EGFLAM: variants seen among roughly 807,000 people sequenced by gnomAD.
The protein encoded by EGFLAM is pikachurin.
Under a neutral mutation model 113.1 loss-of-function variants are expected in EGFLAM, and 79 were observed. The observed-to-expected ratio is 0.70, with a 90% CI of 0.58 to 0.84. The LOEUF is 0.84. EGFLAM is among the 40% of genes least tolerant of loss of function. The pLI, the probability that EGFLAM is intolerant of heterozygous loss-of-function variation, is 0.00. For synonymous variants in EGFLAM, 504 were observed against 487.6 expected (o/e 1.03, Z -0.44); for missense variants, 1,265 against 1,291.6 (o/e 0.98, Z 0.32).
chr5:38,356,049 T>G (rs1471160644), intron 5 of EGFLAM, among the ~76,000 whole-genome samples: 1 of 152,230 alleles, frequency 6.6e-6, no homozygotes, highest in Non-Finnish European at 1.5e-5. Context: ...CATGAGCCAC[T>G]GCGCCTGGCT....
At chr5:38,330,043 A>C (rs1311246973) in intron 1 of EGFLAM, among the ~76,000 whole-genome samples, 1 of 152,194 alleles carries the variant, frequency 6.6e-6, no homozygotes, top group Non-Finnish European at 1.5e-5. Context: ...AGGGGATAGC[A>C]CATTACAATT....
chr5:38,307,983 T>A (rs900688716), intron 1 of EGFLAM, among the ~76,000 whole-genome samples: 3 of 152,220 alleles, frequency 2.0e-5, no homozygotes, highest in Non-Finnish European at 4.4e-5. Context: ...TGTTTCAGTT[T>A]GTTTCCTTTC....
chr5:38,288,777 G>A (rs996480818), intron 1 of EGFLAM, among the ~76,000 whole-genome samples: 12 of 152,164 alleles, frequency 7.9e-5, no homozygotes, highest in African/African-American at 2.7e-4. Context: ...CAGTTGTCTA[G>A]ACAATATTAA....
intron 1 of EGFLAM, among the ~76,000 whole-genome samples, chr5:38,312,423 A>T (rs1385049208): frequency 6.6e-6 from 1 of 151,642 alleles, no homozygotes; most frequent in African/African-American, 2.4e-5. Context: ...TTGTATTTTT[A>T]GAGAGACGGG....
At chr5:38,418,353 G>A in intron 12 of EGFLAM, 98 bp downstream of exon 12, 1 of 1,418,700 alleles carries the variant, frequency 7.0e-7, no homozygotes, top group Admixed American at 2.3e-5. Flanking sequence ...GCAACATTAG[G>A]TGCTACCCTG....
In EGFLAM at chr5:38,410,113, C is replaced by T. The variant is rs534164004; in HGVS notation, c.1349+1009C>T. ...TAATTCATAAAAGCGCTTAGAGCAG[C>T]GTCTGACCCAGAGCAAGTACTCAAT... is the stretch of plus-strand genomic sequence containing the variant. On this transcript the variant is annotated intron_variant, in intron 10 of 21. Coordinates refer to ENST00000322350, the MANE Select transcript of EGFLAM (RefSeq NM_152403.4). Among the ~76,000 whole-genome samples the T allele has an allele frequency of 2.0e-5, 3 of 152,308 alleles. No homozygotes were observed. The South Asian group carries it at 6.2e-4, about 32-fold the overall frequency.
At chr5:38,317,386 C>T (rs7727496) in intron 1 of EGFLAM, among the ~76,000 whole-genome samples, 6,012 of 152,168 alleles carry the variant, frequency 0.04, 406 homozygotes, top group African/African-American at 0.14. Flanking sequence ...CATCCTCTCA[C>T]CATGCCTTGT....
rs758396661 is a variant in EGFLAM at position 38,462,041 on chromosome 5, G to C, written c.2772-867G>C. Reference sequence around the variant, plus strand: ...AAATTAGCCGGGCGAGGTGGCGGGCGCCTGTAGTCCCAGCTACTCGGGAGG... The same window carrying C: ...AAATTAGCCGGGCGAGGTGGCGGGCCCCTGTAGTCCCAGCTACTCGGGAGG... On this transcript the variant is annotated intron_variant, in intron 20 of 21. Transcript: ENST00000322350. Among the ~76,000 whole-genome samples the C allele has an allele frequency of 2.0e-5, 3 of 152,072 alleles. No homozygotes were observed. The East Asian group carries it at 5.8e-4, about 30-fold the overall frequency.
chr5:38,288,437 T>C (rs1758223847), intron 1 of EGFLAM, among the ~76,000 whole-genome samples: 1 of 152,244 alleles, frequency 6.6e-6, no homozygotes, highest in African/African-American at 2.4e-5. Flanking sequence ...ATTATTATTC[T>C]AGCCATCTGA....
At chr5:38,285,697 A>G (rs1005845093) in intron 1 of EGFLAM, 12 of 152,506 alleles carry the variant, frequency 7.9e-5, no homozygotes, top group African/African-American at 2.9e-4. Flanking sequence ...ACAGTTCTGC[A>G]TGGCTGGGGA....
intron 20 of EGFLAM, among the ~76,000 whole-genome samples, chr5:38,459,104 A>G (rs549806807): frequency 6.6e-6 from 1 of 151,832 alleles, no homozygotes; most frequent in South Asian, 2.1e-4. Context: ...TGGTGTCATC[A>G]TGGCTCAGTG....
intron 3 of EGFLAM, among the ~76,000 whole-genome samples, chr5:38,347,474 G>A (rs1739502038): frequency 6.6e-6 from 1 of 152,098 alleles, no homozygotes; most frequent in South Asian, 2.1e-4. Flanking sequence ...GCCTAGAGGA[G>A]GGGCACCTAA....
At chr5:38,314,940 T>A (rs1378646316) in intron 1 of EGFLAM, among the ~76,000 whole-genome samples, 1 of 152,194 alleles carries the variant, frequency 6.6e-6, no homozygotes, top group African/African-American at 2.4e-5. Flanking sequence ...CTTCGATGAC[T>A]TTCTAGAATG....
chr5:38,387,167 A>G (rs1201987164), intron 6 of EGFLAM, among the ~76,000 whole-genome samples: 2 of 152,194 alleles, frequency 1.3e-5, no homozygotes, highest in East Asian at 3.8e-4. Context: ...TCCAGACACC[A>G]AAAGGCATAG....
chr5:38,437,117 C>A (rs549267323), intron 16 of EGFLAM, among the ~76,000 whole-genome samples: 5 of 152,204 alleles, frequency 3.3e-5, no homozygotes, highest in Non-Finnish European at 1.5e-5. Flanking sequence ...GGCTAGGGAA[C>A]CCAGTAGCCC....
chr5:38,294,482 A>G (rs1350163500), intron 1 of EGFLAM, among the ~76,000 whole-genome samples: 2 of 152,190 alleles, frequency 1.3e-5, no homozygotes, highest in African/African-American at 4.8e-5. Context: ...TTTATCAGTA[A>G]TCTAACCTAC....
At chr5:38,356,385 A>G (rs12518553) in intron 5 of EGFLAM, among the ~76,000 whole-genome samples, 10,952 of 152,226 alleles carry the variant, frequency 0.072, 489 homozygotes, top group South Asian at 0.13. Flanking sequence ...CTCCTCATAA[A>G]GTATCTATAC....
At chr5:38,276,658 A>G (rs1757894590) in intron 1 of EGFLAM, among the ~76,000 whole-genome samples, 1 of 152,112 alleles carries the variant, frequency 6.6e-6, no homozygotes, top group Non-Finnish European at 1.5e-5. Flanking sequence ...AAAAAGATAA[A>G]TAGAATTGAC....
intron 17 of EGFLAM, among the ~76,000 whole-genome samples, chr5:38,447,463 TTG>T: frequency 6.6e-6 from 1 of 152,308 alleles, no homozygotes; most frequent in South Asian, 2.1e-4. Context: ...AGTGAAGATC[TTG>T]TGAAATAGAC....
Sources: allele counts gnomAD v4.1 joint callset (sites outside exome capture counted in the v4.1 genomes callset), GRCh38; gene constraint gnomAD v4.1.1; transcripts MANE v1.5; gene names NCBI Gene and HGNC (gene_info 2026-07-23, HGNC 2026-07-21).